KIF5C: variants seen among roughly 807,000 people sequenced by gnomAD.
KIF5C encodes kinesin family member 5C.
KIF5C carries 18 observed loss-of-function variants against 125.2 expected under a neutral mutation model. That is an observed-to-expected ratio of 0.14 (90% CI 0.10 to 0.21). The LOEUF is 0.21. KIF5C is among the 10% of genes least tolerant of loss of function. The probability of loss-of-function intolerance (pLI) is 1.00; values close to 1 mark genes in which losing one functional copy is unlikely to be tolerated. For missense variants in KIF5C, 780 were observed against 1,183.8 expected (o/e 0.66, Z 5.01); for synonymous variants, 405 against 434.0 (o/e 0.93, Z 0.83).
Position 149,023,524 on chromosome 2 carries a change from A to T in KIF5C, c.*454A>T, listed in dbSNP as rs1270551270. The T allele has an allele frequency of 6.6e-6, 1 of 152,660 alleles. No individual in the cohort carries two copies. Among genetic ancestry groups the T allele is most frequent in the African/African-American group, 2.4e-5 (1 of 41,454 alleles). The allele number at this position is 152,660 out of a possible 1,614,324, so 9.5% of individuals were successfully genotyped here. On this transcript the variant is annotated 3_prime_UTR_variant, in exon 26 of 26. Coordinates refer to ENST00000435030, the MANE Select transcript of KIF5C (RefSeq NM_004522.3). ...CATTGTTTTATATTTTTAGGGAACA[A>T]AAAGTGCTGCTATAGGGTTCAAAGT...
chr2:148,938,613 G>A (rs532103466), intron 4 of KIF5C, among the ~76,000 whole-genome samples: 24 of 152,202 alleles, frequency 1.6e-4, no homozygotes, highest in Middle Eastern at 6.8e-3. Context: ...TGCCCCCCTT[G>A]CCCGATGAGC....
intron 15 of KIF5C, among the ~76,000 whole-genome samples, chr2:148,986,583 T>G (rs1681388093): frequency 6.6e-6 from 1 of 152,234 alleles, no homozygotes; most frequent in Non-Finnish European, 1.5e-5. Flanking sequence ...CTTTTCTTAT[T>G]GGTCATGACT....
rs751181373 is a variant in KIF5C, at chr2:149,011,694, T to A, written c.*7+11T>A. 2.9e-5 allele frequency: 47 copies of A among 1,613,818 alleles called. No individual in the cohort carries two copies. Among genetic ancestry groups the A allele is most frequent in the Non-Finnish European group, 3.8e-5 (45 of 1,179,862 alleles). On this transcript the variant is annotated intron_variant, in intron 25 of 25. Transcript: ENST00000435030. ...AGAAATAAATACAAAGTGAGTCCCA[T>A]GTCAAGGGTGGTTTCTCTATCTGGA...
intron 11 of KIF5C, among the ~76,000 whole-genome samples, chr2:148,971,350 A>C (rs931869200): frequency 6.7e-6 from 1 of 149,496 alleles, no homozygotes; most frequent in Non-Finnish European, 1.5e-5. Flanking sequence ...ATCTATCTCT[A>C]ATATGTTTAA....
intron 1 of KIF5C, among the ~76,000 whole-genome samples, chr2:148,909,437 C>G (rs1210973188): frequency 1.3e-5 from 2 of 152,252 alleles, no homozygotes; most frequent in Non-Finnish European, 2.9e-5. Context: ...TTGCTTGTCT[C>G]TCTCCACTCC....
chr2:148,905,401 G>A (rs1240750052), intron 1 of KIF5C, among the ~76,000 whole-genome samples: 1 of 152,124 alleles, frequency 6.6e-6, no homozygotes, highest in Non-Finnish European at 1.5e-5. Context: ...GAAGTGGGAG[G>A]GGCAGATGCT....
At chr2:148,928,124 A>C (rs1333318339) in intron 2 of KIF5C, among the ~76,000 whole-genome samples, 2 of 152,240 alleles carry the variant, frequency 1.3e-5, no homozygotes, top group Admixed American at 6.5e-5. Flanking sequence ...GAATTGATAT[A>C]GAAAAAAAAT....
intron 1 of KIF5C, among the ~76,000 whole-genome samples, chr2:148,907,861 G>A (rs773345403): frequency 1.3e-5 from 2 of 152,188 alleles, no homozygotes; most frequent in Non-Finnish European, 2.9e-5. Flanking sequence ...GACATACCCG[G>A]GACAGTCAAC....
chr2:148,964,505 G>A (rs200255643), intron 11 of KIF5C, among the ~76,000 whole-genome samples: 9 of 152,176 alleles, frequency 5.9e-5, no homozygotes, highest in African/African-American at 1.4e-4. Context: ...CGGTCTGAGC[G>A]GGGAGGAAGG....
At chr2:148,940,355 G>A (rs1186854254) in intron 4 of KIF5C, among the ~76,000 whole-genome samples, 2 of 152,214 alleles carry the variant, frequency 1.3e-5, no homozygotes, top group South Asian at 2.1e-4. Flanking sequence ...AGGTGTTCAA[G>A]TAGGCAGATG....
Position 149,025,384 on chromosome 2 carries a change from T to C in KIF5C, c.*2314T>C, listed in dbSNP as rs1682659202. 1 of 152,668 alleles carries C rather than the reference T, an allele frequency of 6.6e-6. No homozygotes were observed. Among genetic ancestry groups the C allele is most frequent in the Non-Finnish European group, 1.5e-5 (1 of 68,040 alleles). The allele number at this position is 152,668 out of a possible 1,614,324, so 9.5% of individuals were successfully genotyped here. A position where few individuals can be genotyped will look rare whatever the true frequency, so the allele number is the denominator to read the frequency against. On this transcript the variant is annotated 3_prime_UTR_variant, in exon 26 of 26. Transcript: ENST00000435030. ...AAGGGAGGCAAATTATTGGAACGGATTATTCAAATGGATCCTTAAATATTG... is the reference window on the plus strand; with the variant it reads ...AAGGGAGGCAAATTATTGGAACGGACTATTCAAATGGATCCTTAAATATTG...
chr2:148,927,318 T>G (rs1015899466), intron 2 of KIF5C, among the ~76,000 whole-genome samples: 4 of 152,122 alleles, frequency 2.6e-5, no homozygotes, highest in Non-Finnish European at 5.9e-5. Context: ...CAGTACCACC[T>G]CCCTGGGGCC....
chr2:148,893,637 T>A (rs1681764789), intron 1 of KIF5C, among the ~76,000 whole-genome samples: 1 of 152,238 alleles, frequency 6.6e-6, no homozygotes. Flanking sequence ...TTCTTGGAAT[T>A]ATCCCACTTG....
chr2:148,920,440 G>T (rs1681737961), intron 1 of KIF5C, among the ~76,000 whole-genome samples: 1 of 152,128 alleles, frequency 6.6e-6, no homozygotes, highest in African/African-American at 2.4e-5. Flanking sequence ...ATAGTCTATT[G>T]GTTATTCAAC....
intron 10 of KIF5C, among the ~76,000 whole-genome samples, chr2:148,957,575 G>A (rs1352603707): frequency 2.2e-5 from 3 of 135,198 alleles, no homozygotes; most frequent in Non-Finnish European, 3.1e-5. Context: ...TCCTAGATAG[G>A]AGAATGTTTG....
At chr2:148,988,797 T>G (rs1681450162) in intron 15 of KIF5C, among the ~76,000 whole-genome samples, 1 of 152,188 alleles carries the variant, frequency 6.6e-6, no homozygotes, top group South Asian at 2.1e-4. Context: ...GGAGTGGTTT[T>G]GGTAGGCAGA....
intron 1 of KIF5C, among the ~76,000 whole-genome samples, chr2:148,890,267 C>T (rs1455577467): frequency 1.1e-4 from 16 of 152,156 alleles, no homozygotes; most frequent in Admixed American, 1.0e-3. Flanking sequence ...ACAGTTTCTA[C>T]AGGGGAGAAA....
At position 149,000,896 on chromosome 2, in the gene KIF5C, TA is replaced by T. The variant is rs1330105746; in HGVS notation, c.2373+116del. 8 of 1,515,522 alleles carry T rather than the reference TA, an allele frequency of 5.3e-6. No homozygotes were observed. In the Admixed American group the frequency reaches 1.8e-4, roughly 34 times the overall value. The allele number at this position is 1,515,522 out of a possible 1,614,324, so 93.9% of individuals were successfully genotyped here. A position where few individuals can be genotyped will look rare whatever the true frequency, so the allele number is the denominator to read the frequency against. The stretch of plus-strand genomic sequence containing the variant: ...ACACCTTTCTGTGTAATGTTTTAGA[TA>T]AGACATTCTATGGAAAAGTAGGATT... On this transcript the variant is annotated intron_variant, in intron 21 of 25. Coordinates refer to ENST00000435030, the MANE Select transcript of KIF5C (RefSeq NM_004522.3).
intron 1 of KIF5C, among the ~76,000 whole-genome samples, chr2:148,902,465 C>A (rs1465557327): frequency 1.3e-5 from 2 of 152,240 alleles, no homozygotes; most frequent in Non-Finnish European, 2.9e-5. Context: ...TACAGGCACA[C>A]GCCACCACGC....
Sources: gnomAD v4.1 joint callset for allele counts (sites outside exome capture counted in the v4.1 genomes callset) on GRCh38, gnomAD v4.1.1 for gene constraint, MANE v1.5 for transcripts, NCBI Gene and HGNC (gene_info 2026-07-23, HGNC 2026-07-21) for gene names.